Variants in MAP2 observed in about 807,000 individuals in gnomAD.
The protein encoded by MAP2 is microtubule associated protein 2.
A neutral mutation model predicts 137.6 loss-of-function variants in MAP2; 14 were observed. That is an observed-to-expected ratio of 0.10 (90% CI 0.07 to 0.16). The LOEUF is 0.16. Among genes scored for constraint, MAP2 ranks in the 10% least tolerant of loss-of-function variants. The pLI, the probability that MAP2 is intolerant of heterozygous loss-of-function variation, is 1.00. For missense variants in MAP2, 2,088 were observed against 2,191.5 expected (o/e 0.95, Z 0.94); for synonymous variants, 786 against 782.3 (o/e 1.00, Z -0.08).
chr2:209,723,619 G>A lies in MAP2; in HGVS notation c.5074-2090G>A, dbSNP rs559897682. On this transcript the variant is annotated intron_variant, in intron 13 of 15. Coordinates refer to ENST00000682079, the MANE Select transcript of MAP2 (RefSeq NM_001375505.1). ...GGTTAGGATTTTAAACAAGAAGATC[G>A]ATTTTAGCAAAGTTCAGTCCAGATG... 42 of 1,613,302 alleles carry A rather than the reference G, an allele frequency of 2.6e-5. 1 individual carries two copies. The highest frequency in any genetic ancestry group is 1.6e-4 in the South Asian group (15 of 91,064).
intron 3 of MAP2, among the ~76,000 whole-genome samples, chr2:209,606,605 A>G (rs552057865): frequency 6.6e-6 from 1 of 152,296 alleles, no homozygotes; most frequent in Non-Finnish European, 1.5e-5. Context: ...AAACCTAGGT[A>G]ATTAACATCT....
chr2:209,434,160 T>C (rs1695076695), intron 1 of MAP2, among the ~76,000 whole-genome samples: 1 of 152,060 alleles, frequency 6.6e-6, no homozygotes, highest in African/African-American at 2.4e-5. Context: ...TACTAAAATA[T>C]TTAATGCACT....
intron 1 of MAP2, among the ~76,000 whole-genome samples, chr2:209,484,152 T>G (rs1575895956): frequency 1.3e-5 from 2 of 152,310 alleles, no homozygotes; most frequent in South Asian, 4.1e-4. Context: ...CATTTGCATT[T>G]GAAAAAAATG....
chr2:209,445,888 A>G (rs72995682), intron 1 of MAP2, among the ~76,000 whole-genome samples: 10,323 of 151,754 alleles, frequency 0.068, 465 homozygotes, highest in Middle Eastern at 0.1. Flanking sequence ...CCATAACCTA[A>G]ATGAACAAAA....
rs184817557 is a variant in MAP2, at chr2:209,575,389, C to T, written c.-171-4647C>T. On this transcript the variant is annotated intron_variant, in intron 2 of 15. Coordinates refer to ENST00000682079, the MANE Select transcript of MAP2 (RefSeq NM_001375505.1). ...TCAGAAAACTAGCCGGGCGTGATGGCGGGTGCCTGTAGTCCCAGCTACTCG... is the reference window on the plus strand; with the variant it reads ...TCAGAAAACTAGCCGGGCGTGATGGTGGGTGCCTGTAGTCCCAGCTACTCG... 9.0e-3 allele frequency among the ~76,000 whole-genome samples: 1,362 copies of T among 151,458 alleles called. 6 individuals carry two copies. Among genetic ancestry groups the T allele is most frequent in the Non-Finnish European group, 0.015 (1,032 of 67,806 alleles).
At chr2:209,698,849 T>C (rs1206923957) in intron 10 of MAP2, among the ~76,000 whole-genome samples, 1 of 152,192 alleles carries the variant, frequency 6.6e-6, no homozygotes, top group Non-Finnish European at 1.5e-5. Context: ...GCAGAATCTC[T>C]TGATTTAGCA....
chr2:209,693,061 A>T lies in MAP2; in HGVS notation c.891A>T (p.Val297=). ...TGACTCCCATGAGGGAAAAAGATGT[A>T]TTTGATGATATCCCAAAATGGGAAG... ...GPLTPMREKD[V]FDDIPKWEGK... Residue 297 remains valine, a synonymous_variant, in exon 8 of 16, where the codon GTA becomes GTT. Coordinates refer to ENST00000682079, the MANE Select transcript of MAP2 (RefSeq NM_001375505.1). 6.2e-7 allele frequency: 1 copy of T among 1,613,162 alleles called. No homozygotes were observed. The highest frequency in any genetic ancestry group is 8.5e-7 in the Non-Finnish European group (1 of 1,179,718).
At chr2:209,462,497 C>T (rs763033457) in intron 1 of MAP2, among the ~76,000 whole-genome samples, 4 of 152,124 alleles carry the variant, frequency 2.6e-5, no homozygotes, top group Non-Finnish European at 5.9e-5. Context: ...CAGGCATGTA[C>T]ACTACTTTGT....
chr2:209,639,963 T>C (rs2093880829), intron 4 of MAP2, among the ~76,000 whole-genome samples: 1 of 152,104 alleles, frequency 6.6e-6, no homozygotes, highest in African/African-American at 2.4e-5. Flanking sequence ...GTTATGGAGA[T>C]GCCAGAAGAT....
intron 3 of MAP2, among the ~76,000 whole-genome samples, chr2:209,590,485 G>A (rs1441369292): frequency 2.0e-5 from 3 of 151,978 alleles, no homozygotes; most frequent in East Asian, 1.9e-4. Context: ...ACAGGCAAGC[G>A]CCACCACGCC....
chr2:209,575,411 C>A (rs1436744930), intron 2 of MAP2, among the ~76,000 whole-genome samples: 1 of 149,056 alleles, frequency 6.7e-6, no homozygotes, highest in Admixed American at 6.7e-5. Context: ...GTCCCAGCTA[C>A]TCGGGAGGCT....
chr2:209,619,428 A>G (rs764990005), intron 3 of MAP2, among the ~76,000 whole-genome samples: 10 of 152,088 alleles, frequency 6.6e-5, no homozygotes, highest in East Asian at 1.9e-4. Context: ...AATAAATAAT[A>G]AAAGTTTGGT....
chr2:209,507,494 A>G lies in MAP2; in HGVS notation c.-221-98A>G, dbSNP rs569099779. 2.0e-5 allele frequency: 3 copies of G among 152,292 alleles called. No individual in the cohort carries two copies. In the South Asian group the frequency reaches 6.2e-4, roughly 32 times the overall value. The allele number at this position is 152,292 out of a possible 1,614,324, so 9.4% of individuals were successfully genotyped here. A position where few individuals can be genotyped will look rare whatever the true frequency, so the allele number is the denominator to read the frequency against. Reference sequence around the variant, plus strand: ...GTCAGTGCATTTTATGGAGTGAGGAACAAGTCACTTCTGATTTTATCTTCC... The same window carrying G: ...GTCAGTGCATTTTATGGAGTGAGGAGCAAGTCACTTCTGATTTTATCTTCC... On this transcript the variant is annotated intron_variant, in intron 1 of 15. Coordinates refer to ENST00000682079, the MANE Select transcript of MAP2 (RefSeq NM_001375505.1).
chr2:209,476,924 T>A (rs1029294741), intron 1 of MAP2, among the ~76,000 whole-genome samples: 1 of 152,246 alleles, frequency 6.6e-6, no homozygotes, highest in African/African-American at 2.4e-5. Context: ...CCTGTCCTAA[T>A]TGAATTCAGT....
intron 14 of MAP2, among the ~76,000 whole-genome samples, chr2:209,729,211 G>A (rs1472649738): frequency 5.9e-5 from 9 of 152,124 alleles, no homozygotes; most frequent in East Asian, 1.9e-4. Context: ...CAAGGTCAGC[G>A]TCATATTGGT....
intron 3 of MAP2, among the ~76,000 whole-genome samples, chr2:209,584,437 C>T (rs1319166761): frequency 2.6e-5 from 4 of 152,044 alleles, no homozygotes; most frequent in Non-Finnish European, 4.4e-5. Context: ...TTGTATCATA[C>T]GAAATGGCTA....
At chr2:209,604,204 T>A (rs569028133) in intron 3 of MAP2, among the ~76,000 whole-genome samples, 30 of 152,182 alleles carry the variant, frequency 2.0e-4, no homozygotes, top group Non-Finnish European at 3.8e-4. Flanking sequence ...TGCATTTATT[T>A]AATCACAACT....
At chr2:209,703,508 G>A (rs377407293) in intron 11 of MAP2, among the ~76,000 whole-genome samples, 9 of 152,010 alleles carry the variant, frequency 5.9e-5, no homozygotes, top group East Asian at 3.9e-4. Context: ...GACTATATAC[G>A]TAGAATCCAA....
intron 1 of MAP2, among the ~76,000 whole-genome samples, chr2:209,507,140 G>A (rs2061173831): frequency 6.6e-6 from 1 of 152,102 alleles, no homozygotes; most frequent in East Asian, 1.9e-4. Context: ...CACATTGGGG[G>A]ATTAGGATCT....
Sources: allele counts gnomAD v4.1 joint callset (sites outside exome capture counted in the v4.1 genomes callset), GRCh38; gene constraint gnomAD v4.1.1; transcripts MANE v1.5; gene names NCBI Gene and HGNC (gene_info 2026-07-23, HGNC 2026-07-21).